The following EEPD1 variants were observed in gnomAD, a reference collection of about 807,000 sequenced individuals.
EEPD1 encodes endonuclease/exonuclease/phosphatase family domain containing 1.
EEPD1 carries 17 observed loss-of-function variants against 46.3 expected under a neutral mutation model. That is an observed-to-expected ratio of 0.37 (90% CI 0.25 to 0.55). The LOEUF (loss-of-function observed/expected upper bound fraction) is 0.55. EEPD1 is among the 20% of genes least tolerant of loss of function. The probability of loss-of-function intolerance (pLI) is 0.83; values close to 1 mark genes in which losing one functional copy is unlikely to be tolerated. For synonymous variants in EEPD1, 313 were observed against 315.6 expected (o/e 0.99, Z 0.09); for missense variants, 673 against 745.6 (o/e 0.90, Z 1.13).
chr7:36,219,807 G>GTA (rs1786113132), intron 2 of EEPD1, among the ~76,000 whole-genome samples: 1 of 46,668 alleles, frequency 2.1e-5, no homozygotes, highest in South Asian at 7.8e-4. Flanking sequence ...GAGAGAGAGA[G>GTA]TGTGTGTGTG....
At chr7:36,244,514 C>T (rs995434374) in intron 3 of EEPD1, among the ~76,000 whole-genome samples, 2 of 152,118 alleles carry the variant, frequency 1.3e-5, no homozygotes, top group Non-Finnish European at 2.9e-5. Context: ...CTAAACATTA[C>T]TTGGTTTTAG....
chr7:36,298,994 C>T lies in EEPD1; in HGVS notation c.1511-13C>T, dbSNP rs1787572214. On this transcript the variant is annotated splice_polypyrimidine_tract_variant and intron_variant, in intron 7 of 7. Coordinates refer to ENST00000242108, the MANE Select transcript of EEPD1 (RefSeq NM_030636.3). ...ATCCTGATTCCCGGTCTCTTTCCTT[C>T]CTCTCCCTTCAGGTCACTGGGCTGT... is the stretch of plus-strand genomic sequence containing the variant. 6.2e-7 allele frequency: 1 copy of T among 1,613,240 alleles called. No homozygotes were observed. The highest frequency in any genetic ancestry group is 1.1e-5 in the South Asian group (1 of 90,934).
chr7:36,280,486 C>T (rs1057391994), intron 3 of EEPD1, among the ~76,000 whole-genome samples: 16 of 152,178 alleles, frequency 1.1e-4, no homozygotes, highest in Admixed American at 2.0e-4. Context: ...GATAGTTGTT[C>T]CACTCCTCAT....
intron 3 of EEPD1, among the ~76,000 whole-genome samples, chr7:36,252,354 T>A (rs1029499865): frequency 6.6e-6 from 1 of 152,076 alleles, no homozygotes; most frequent in Non-Finnish European, 1.5e-5. Context: ...CCCCCCTCCA[T>A]GTTTTGCTAT....
chr7:36,199,598 G>A (rs1026945286), intron 2 of EEPD1, among the ~76,000 whole-genome samples: 1 of 152,198 alleles, frequency 6.6e-6, no homozygotes, highest in Non-Finnish European at 1.5e-5. Flanking sequence ...AGTGGGTGGG[G>A]AGCACAGACT....
intron 3 of EEPD1, among the ~76,000 whole-genome samples, chr7:36,278,148 G>A (rs1017896781): frequency 4.5e-4 from 69 of 152,146 alleles, no homozygotes; most frequent in African/African-American, 1.5e-3. Context: ...ACATTCCCAG[G>A]TGACACTGGT....
intron 3 of EEPD1, among the ~76,000 whole-genome samples, chr7:36,248,101 C>A (rs146670965): frequency 2.7e-4 from 41 of 152,164 alleles, no homozygotes; most frequent in African/African-American, 8.2e-4. Flanking sequence ...CATGAGGACA[C>A]GTGAGAGGTT....
intron 2 of EEPD1, among the ~76,000 whole-genome samples, chr7:36,189,979 G>A (rs1020745067): frequency 2.0e-5 from 3 of 151,462 alleles, no homozygotes; most frequent in African/African-American, 7.3e-5. Flanking sequence ...TGTAGTGAGA[G>A]CCTGTATCTT....
chr7:36,283,127 A>C (rs1283887743), intron 4 of EEPD1, among the ~76,000 whole-genome samples: 3 of 152,202 alleles, frequency 2.0e-5, no homozygotes, highest in Admixed American at 6.5e-5. Context: ...ATTTGCCCAC[A>C]AGCCACCCTT....
At chr7:36,275,773 T>C (rs944598613) in intron 3 of EEPD1, among the ~76,000 whole-genome samples, 2 of 152,190 alleles carry the variant, frequency 1.3e-5, no homozygotes, top group Non-Finnish European at 2.9e-5. Context: ...CTTTATTATT[T>C]TTATTTCCGA....
At chr7:36,186,570 C>G (rs1785363005) in intron 2 of EEPD1, among the ~76,000 whole-genome samples, 2 of 152,176 alleles carry the variant, frequency 1.3e-5, no homozygotes, top group African/African-American at 4.8e-5. Context: ...ACAGCAGCAG[C>G]CCACTGGAAG....
intron 2 of EEPD1, among the ~76,000 whole-genome samples, chr7:36,160,210 C>G (rs905488584): frequency 2.1e-4 from 32 of 152,222 alleles, no homozygotes; most frequent in Admixed American, 1.6e-3. Flanking sequence ...GTACCAGGTT[C>G]TGTATCAGGC....
intron 2 of EEPD1, among the ~76,000 whole-genome samples, chr7:36,219,802 A>AGT (rs1404686805): frequency 0.045 from 2,980 of 66,894 alleles, 35 homozygotes; most frequent in East Asian, 0.14. Context: ...AGAGAGAGAG[A>AGT]GAGAGTGTGT....
intron 2 of EEPD1, among the ~76,000 whole-genome samples, chr7:36,172,742 T>A (rs1431864542): frequency 1.3e-5 from 2 of 151,966 alleles, no homozygotes; most frequent in African/African-American, 2.4e-5. Flanking sequence ...ACACCTCTGC[T>A]TTATAATAAG....
intron 2 of EEPD1, among the ~76,000 whole-genome samples, chr7:36,187,332 C>T (rs1382901022): frequency 6.6e-6 from 1 of 152,040 alleles, no homozygotes; most frequent in Non-Finnish European, 1.5e-5. Flanking sequence ...TTCTCATCAC[C>T]ACCATCCGTC....
intron 5 of EEPD1, among the ~76,000 whole-genome samples, chr7:36,285,619 C>T (rs549467108): frequency 3.9e-5 from 6 of 152,322 alleles, no homozygotes; most frequent in Admixed American, 6.5e-5. Context: ...GCCTTATCCC[C>T]GTGGTCCTTG....
intron 3 of EEPD1, among the ~76,000 whole-genome samples, chr7:36,251,962 A>G (rs1156968898): frequency 1.3e-5 from 2 of 152,206 alleles, no homozygotes; most frequent in Non-Finnish European, 2.9e-5. Flanking sequence ...AGTGATATGA[A>G]TTCAGGAGTG....
At chr7:36,198,336 AGAAAAG>A (rs1785646193) in intron 2 of EEPD1, among the ~76,000 whole-genome samples, 2 of 108,736 alleles carry the variant, frequency 1.8e-5, no homozygotes, top group Non-Finnish European at 4.2e-5. Context: ...AAAAAAAAAA[AGAAAAG>A]AAAAAAAAAA....
At chr7:36,270,779 C>T (rs752730628) in intron 3 of EEPD1, among the ~76,000 whole-genome samples, 1 of 152,076 alleles carries the variant, frequency 6.6e-6, no homozygotes, top group Non-Finnish European at 1.5e-5. Context: ...GTGCATGTGT[C>T]TTTATAACAG....
Sources: allele counts gnomAD v4.1 joint callset (sites outside exome capture counted in the v4.1 genomes callset), GRCh38; gene constraint gnomAD v4.1.1; transcripts MANE v1.5; gene names NCBI Gene and HGNC (gene_info 2026-07-23, HGNC 2026-07-21).